Variants in EYS observed in about 807,000 individuals in gnomAD.
The protein encoded by EYS is EGF-like photoreceptor maintenance factor.
In EYS, 250 loss-of-function variants were observed where a neutral mutation model predicts 282.1. The ratio of observed to expected loss-of-function variants is 0.89; its 90% confidence interval spans 0.80 to 0.98. The LOEUF (loss-of-function observed/expected upper bound fraction) is 0.98. Ranked by LOEUF, EYS falls within the 50% of genes least tolerant of loss-of-function variation. EYS has a pLI of 0.00. For synonymous variants in EYS, 1,355 were observed against 1,282.9 expected (o/e 1.06, Z -1.20); for missense variants, 4,016 against 3,709.0 (o/e 1.08, Z -2.15).
intron 35 of EYS, among the ~76,000 whole-genome samples, chr6:63,891,752 A>G (rs1307646123): frequency 6.6e-6 from 1 of 152,208 alleles, no homozygotes; most frequent in East Asian, 1.9e-4. Flanking sequence ...AGGCAAGAGA[A>G]CGAAATAAAG....
intron 7 of EYS, among the ~76,000 whole-genome samples, chr6:65,402,040 GCCTAAAGAC>G (rs1766527180): frequency 6.6e-6 from 1 of 151,828 alleles, no homozygotes; most frequent in Admixed American, 6.6e-5. Flanking sequence ...CTAAAAGTCT[GCCTAAAGAC>G]CCTAACTAAT....
intron 24 of EYS, 61 bp downstream of exon 24, chr6:64,617,357 A>G (rs1767306119): frequency 4.7e-6 from 5 of 1,069,580 alleles, no homozygotes; most frequent in Non-Finnish European, 7.1e-6. Flanking sequence ...ATTTTCTACT[A>G]TTTACTGTGT....
intron 22 of EYS, among the ~76,000 whole-genome samples, chr6:64,640,566 T>C (rs953233620): frequency 6.7e-6 from 1 of 149,970 alleles, no homozygotes; most frequent in African/African-American, 2.5e-5. Context: ...CTGGGGACTG[T>C]TGTGGGGTGG....
chr6:64,735,951 T>G (rs1298656176), intron 22 of EYS, among the ~76,000 whole-genome samples: 1 of 151,962 alleles, frequency 6.6e-6, no homozygotes, highest in Non-Finnish European at 1.5e-5. Flanking sequence ...AGTTACATAT[T>G]TCAGTTACAA....
chr6:64,071,004 G>A (rs961504779), intron 32 of EYS, among the ~76,000 whole-genome samples: 2 of 151,968 alleles, frequency 1.3e-5, no homozygotes, highest in African/African-American at 4.8e-5. Context: ...CTGTGTGAGA[G>A]CTTACCTCCA....
intron 14 of EYS, among the ~76,000 whole-genome samples, chr6:64,989,769 T>C (rs1262117339): frequency 7.1e-6 from 1 of 140,720 alleles, no homozygotes; most frequent in Admixed American, 7.5e-5. Context: ...CTTATAAATA[T>C]AAAAATATAT....
intron 12 of EYS, among the ~76,000 whole-genome samples, chr6:65,254,204 G>T (rs530397): frequency 0.026 from 3,979 of 151,638 alleles, 168 homozygotes; most frequent in African/African-American, 0.091. Context: ...ATCCCTTCCC[G>T]CACCCACACA....
At chr6:64,912,363 C>T (rs1768025992) in intron 16 of EYS, 121 bp downstream of exon 16, 3 of 770,272 alleles carry the variant, frequency 3.9e-6, no homozygotes, top group African/African-American at 3.5e-5. Flanking sequence ...TAGTCCCCTA[C>T]CCACAATGTA....
At chr6:64,610,723 T>A (rs548918228) in intron 24 of EYS, among the ~76,000 whole-genome samples, 1 of 152,188 alleles carries the variant, frequency 6.6e-6, no homozygotes, top group Non-Finnish European at 1.5e-5. Context: ...ACATTTAGAT[T>A]GTACATCACA....
intron 8 of EYS, among the ~76,000 whole-genome samples, chr6:65,354,261 G>A (rs1165964004): frequency 4.6e-5 from 7 of 152,010 alleles, no homozygotes; most frequent in African/African-American, 1.7e-4. Flanking sequence ...AGACAAACTA[G>A]GGCTATGTAT....
intron 16 of EYS, 27 bp from the exon 17 acceptor site, chr6:64,902,527 A>T (rs974862880): frequency 1.5e-6 from 2 of 1,336,940 alleles, no homozygotes; most frequent in African/African-American, 3.0e-5. Context: ...ATGAGTATGG[A>T]TGAGCAATCC....
intron 1 of EYS, among the ~76,000 whole-genome samples, chr6:65,700,638 T>A (rs1343056216): frequency 6.6e-6 from 1 of 152,172 alleles, no homozygotes; most frequent in Admixed American, 6.5e-5. Flanking sequence ...CAGGCATACT[T>A]TTTTACATTT....
chr6:64,462,214 A>C (rs1186289362), intron 26 of EYS, among the ~76,000 whole-genome samples: 1 of 152,220 alleles, frequency 6.6e-6, no homozygotes, highest in Non-Finnish European at 1.5e-5. Context: ...TTAATTTTAA[A>C]GTTGTGTAAG....
chr6:65,580,863 C>A lies in EYS; in HGVS notation c.-333+58915G>T, dbSNP rs1425907544. On this transcript the variant is annotated intron_variant, in intron 2 of 42. Coordinates refer to ENST00000503581, the MANE Select transcript of EYS (RefSeq NM_001142800.2). The stretch of plus-strand genomic sequence containing the variant: ...CTCCCCCAGACAGGGATATTAAAGG[C>A]CATTTTTTATCTCAAGGTAAGCCTG... 2.6e-5 allele frequency among the ~76,000 whole-genome samples: 4 copies of A among 151,864 alleles called. No homozygotes were observed. The East Asian group carries it at 7.7e-4, about 29-fold the overall frequency.
At chr6:64,935,181 T>A (rs796806330) in intron 15 of EYS, among the ~76,000 whole-genome samples, 85 of 151,726 alleles carry the variant, frequency 5.6e-4, no homozygotes, top group African/African-American at 2.0e-3. Context: ...AAGTGGTATA[T>A]CAGAAAAAAA....
chr6:63,973,109 T>G (rs1228377260), intron 35 of EYS, among the ~76,000 whole-genome samples: 1 of 152,178 alleles, frequency 6.6e-6, no homozygotes, highest in East Asian at 1.9e-4. Flanking sequence ...TTTCTCATTC[T>G]AGATTCTTGA....
chr6:64,678,890 G>A (rs1355125229), intron 22 of EYS, among the ~76,000 whole-genome samples: 2 of 151,666 alleles, frequency 1.3e-5, no homozygotes. Flanking sequence ...GGGAGGCTGA[G>A]GCAGAAGGAT....
intron 31 of EYS, among the ~76,000 whole-genome samples, chr6:64,156,020 TTATG>T (rs1256839840): frequency 2.7e-5 from 4 of 145,904 alleles, no homozygotes; most frequent in East Asian, 2.0e-4. Flanking sequence ...GTGTGTATGT[TTATG>T]TGTGTGTGTG....
chr6:65,390,265 G>A (rs541352519), intron 7 of EYS, among the ~76,000 whole-genome samples: 2 of 151,232 alleles, frequency 1.3e-5, no homozygotes, highest in South Asian at 2.1e-4. Flanking sequence ...TGACCACAGT[G>A]GTGATAAAGA....
Sources: gnomAD v4.1 joint callset for allele counts (sites outside exome capture counted in the v4.1 genomes callset) on GRCh38, gnomAD v4.1.1 for gene constraint, MANE v1.5 for transcripts, NCBI Gene and HGNC (gene_info 2026-07-23, HGNC 2026-07-21) for gene names.